DOC2A: variants seen among roughly 807,000 people sequenced by gnomAD.
DOC2A encodes double C2 domain alpha, also known as double C2-like domain-containing protein alpha.
A neutral mutation model predicts 40.6 loss-of-function variants in DOC2A; 28 were observed. The ratio of observed to expected loss-of-function variants is 0.69; its 90% CI spans 0.51 to 0.95. The LOEUF (loss-of-function observed/expected upper bound fraction) is 0.95. Ranked by LOEUF, DOC2A falls within the 40% of genes least tolerant of loss-of-function variation. The probability of loss-of-function intolerance (pLI) is 0.00; values close to 1 mark genes in which losing one functional copy is unlikely to be tolerated. For missense variants in DOC2A, 474 were observed against 552.5 expected (o/e 0.86, Z 1.42); for synonymous variants, 241 against 236.9 (o/e 1.02, Z -0.16).
intron 1 of DOC2A, among the ~76,000 whole-genome samples, chr16:30,018,103 CAA>C (rs34061843): frequency 0.34 from 20,350 of 60,478 alleles, 1,669 homozygotes; most frequent in Non-Finnish European, 0.4. Context: ...CTATTTCTAC[CAA>C]AAAAAAAAAA....
intron 1 of DOC2A, among the ~76,000 whole-genome samples, chr16:30,019,790 A>G (rs1421138732): frequency 6.6e-6 from 1 of 152,130 alleles, no homozygotes; most frequent in African/African-American, 2.4e-5. Context: ...GCTGGAGTGC[A>G]GTGGTGCGAT....
Position 30,009,339 on chromosome 16 carries a change from G to A in DOC2A, c.343-63C>T, listed in dbSNP as rs2070710208. 2.0e-6 allele frequency: 3 copies of A among 1,518,672 alleles called. No homozygotes were observed. Among genetic ancestry groups the A allele is most frequent in the Non-Finnish European group, 1.8e-6 (2 of 1,118,368 alleles). The allele number at this position is 1,518,672 out of a possible 1,614,324, so 94.1% of individuals were successfully genotyped here. A position where few individuals can be genotyped will look rare whatever the true frequency, so the allele number is the denominator to read the frequency against. On this transcript the variant is annotated intron_variant, in intron 3 of 10. Coordinates refer to ENST00000350119, the MANE Select transcript of DOC2A (RefSeq NM_003586.3). This position sits in a 1 kb window ranked among gnomAD's most constrained non-coding sequence, Gnocchi z 4.1. ...GGCACCTCTCTCCATCCCTCTTGTA[G>A]AGCTGGACCCTGGAGGAGCCCAGAA...
At position 30,006,362 on chromosome 16, in the gene DOC2A, C is replaced by G; in HGVS notation, c.1058-31G>C. The G allele has an allele frequency of 6.2e-7, 1 of 1,612,834 alleles. No individual in the cohort carries two copies. Among genetic ancestry groups the G allele is most frequent in the Non-Finnish European group, 8.5e-7 (1 of 1,179,824 alleles). ...GAGCAGGTGGGCAGGGTCAGGGCCACCTCCCTGCCACTTGCCCGCCCTCAA... is the reference window on the plus strand; with the variant it reads ...GAGCAGGTGGGCAGGGTCAGGGCCAGCTCCCTGCCACTTGCCCGCCCTCAA... On this transcript the variant is annotated intron_variant, in intron 10 of 10. Coordinates refer to ENST00000350119, the MANE Select transcript of DOC2A (RefSeq NM_003586.3). This position sits in a 1 kb window ranked among gnomAD's most constrained non-coding sequence, Gnocchi z 6.2.
upstream of DOC2A, chr16:30,015,379 G>C (rs1265478884): frequency 6.6e-6 from 1 of 152,172 alleles, no homozygotes; most frequent in South Asian, 2.1e-4. Context: ...GCAATTGCTC[G>C]ATCGCGGCTC....
intron 1 of DOC2A, among the ~76,000 whole-genome samples, chr16:30,019,881 C>T (rs759419958): frequency 2.0e-5 from 3 of 151,846 alleles, no homozygotes; most frequent in East Asian, 1.9e-4. Flanking sequence ...ACTATAGGCA[C>T]GTACCACCAT....
In DOC2A at chr16:30,009,603, T is replaced by G; in HGVS notation, c.263-46A>C. On this transcript the variant is annotated intron_variant, in intron 2 of 10. Coordinates refer to ENST00000350119, the MANE Select transcript of DOC2A (RefSeq NM_003586.3). This position sits in a 1 kb window ranked among gnomAD's most constrained non-coding sequence, Gnocchi z 4.1. Reference sequence around the variant, plus strand: ...GCATGGGTCGGTATGGAGACAGGTGTGTGCGAGAGGCCAGCAGGTGGGCAC... The same window carrying G: ...GCATGGGTCGGTATGGAGACAGGTGGGTGCGAGAGGCCAGCAGGTGGGCAC... The G allele has an allele frequency of 6.6e-7, 1 of 1,506,996 alleles. No individual in the cohort carries two copies. Among genetic ancestry groups the G allele is most frequent in the Non-Finnish European group, 9.0e-7 (1 of 1,110,458 alleles). The allele number at this position is 1,506,996 out of a possible 1,614,324, so 93.4% of individuals were successfully genotyped here.
At position 30,009,272 on chromosome 16, in the gene DOC2A, A is replaced by G; in HGVS notation, c.347T>C (p.Leu116Pro). Residue 116 changes from leucine (L) to proline (P), a missense_variant, in exon 4 of 11, where the codon CTC becomes CCC. Leu to Pro is a moderately conservative substitution (Grantham distance 98). Transcript: ENST00000350119. This position sits in a 1 kb window ranked among gnomAD's most constrained non-coding sequence, Gnocchi z 4.1. ...GAGGCCATTGAAATCCATGGGCTTGAGGCCCTGGAGAGGAGGGCAGGGGAG... is the reference window on the plus strand; with the variant it reads ...GAGGCCATTGAAATCCATGGGCTTGGGGCCCTGGAGAGGAGGGCAGGGGAG... ...LHCSILRAKGLKPMDFNGLAD... is the reference protein window; with the variant it reads ...LHCSILRAKGPKPMDFNGLAD... The G allele has an allele frequency of 6.4e-7, 1 of 1,557,670 alleles. No homozygotes were observed.
rs1184604256 is a variant in DOC2A at position 30,006,787 on chromosome 16, C to T, written c.876G>A (p.Lys292=). Residue 292 remains lysine, a splice_region_variant and synonymous_variant, in exon 8 of 11, where the codon AAG becomes AAA. Transcript: ENST00000350119. The surrounding 1 kb of genome is among the most constrained non-coding windows in gnomAD (Gnocchi z 6.2). ...AGAGGGTCAGAGCAAGGGCTCACGT[C>T]TTGACGTAGGGGTCCGAGTAACCGT... The part of the protein sequence containing the change: ...DVNGYSDPYV[K]TYLRPDVDKK... 2 of 1,613,856 alleles carry T rather than the reference C, an allele frequency of 1.2e-6. No homozygotes were observed. The highest frequency in any genetic ancestry group is 1.7e-5 in the Admixed American group (1 of 60,010).
At position 30,010,343 on chromosome 16, in the gene DOC2A, AGGTGTCGAGGGAGAGGGT is replaced by A; in HGVS notation, c.-13-126_-13-109del. The A allele has an allele frequency of 6.8e-7, 1 of 1,471,184 alleles. No individual in the cohort carries two copies. Among genetic ancestry groups the A allele is most frequent in the Non-Finnish European group, 9.4e-7 (1 of 1,067,060 alleles). The allele number at this position is 1,471,184 out of a possible 1,614,324, so 91.1% of individuals were successfully genotyped here. ...GGGGCCCTCACTGGCCTCCCTTCCT[AGGTGTCGAGGGAGAGGGT>A]GGTGTGTGCCAGCCGGTGGCAGGTG... On this transcript the variant is annotated intron_variant, in intron 1 of 10. Transcript: ENST00000350119. The surrounding 1 kb of genome is among the most constrained non-coding windows in gnomAD (Gnocchi z 4.2).
At chr16:30,015,670 CCTTT>C (rs1181491117), upstream of DOC2A, among the ~76,000 whole-genome samples, 93 of 149,256 alleles carry the variant, frequency 6.2e-4, no homozygotes, top group Non-Finnish European at 3.6e-4. Flanking sequence ...TTCCTTCCTT[CCTTT>C]CTTCCTTCCT....
chr16:30,010,763 A>G lies in DOC2A; in HGVS notation c.-14+140T>C. ...CACCACAGCCCACGGTGGAGACCCCAGCCTCAGATGCCACCTCTGGCTCCT... is the reference window on the plus strand; with the variant it reads ...CACCACAGCCCACGGTGGAGACCCCGGCCTCAGATGCCACCTCTGGCTCCT... On this transcript the variant is annotated intron_variant, in intron 1 of 10. Transcript: ENST00000350119. The surrounding 1 kb of genome is among the most constrained non-coding windows in gnomAD (Gnocchi z 4.2). 1.8e-6 allele frequency: 1 copy of G among 556,538 alleles called. No homozygotes were observed. Among genetic ancestry groups the G allele is most frequent in the African/African-American group, 2.1e-5 (1 of 48,650 alleles). The allele number at this position is 556,538 out of a possible 1,614,324, so 34.5% of individuals were successfully genotyped here.
In DOC2A at chr16:30,010,467, C is replaced by A; in HGVS notation, c.-13-232G>T. The A allele has an allele frequency of 1.6e-6, 1 of 614,358 alleles. No homozygotes were observed. The allele number at this position is 614,358 out of a possible 1,614,324, so 38.1% of individuals were successfully genotyped here. A position where few individuals can be genotyped will look rare whatever the true frequency, so the allele number is the denominator to read the frequency against. On this transcript the variant is annotated intron_variant, in intron 1 of 10. Transcript: ENST00000350119. This position sits in a 1 kb window ranked among gnomAD's most constrained non-coding sequence, Gnocchi z 4.2. ...CCACTCCTTGCAGAAGTCGAGGTTGCACCACCCCGTCCTCACCCACCCACT... is the reference window on the plus strand; with the variant it reads ...CCACTCCTTGCAGAAGTCGAGGTTGAACCACCCCGTCCTCACCCACCCACT...
upstream of DOC2A, chr16:30,011,056 C>G: frequency 1.0e-6 from 1 of 973,508 alleles, no homozygotes; most frequent in Non-Finnish European, 1.2e-6. Flanking sequence ...GAGGTGGAGG[C>G]GAGGATGCAG....
chr16:30,009,175 C>T lies in DOC2A; in HGVS notation c.417+27G>A. On this transcript the variant is annotated intron_variant, in intron 4 of 10. Transcript: ENST00000350119. This position sits in a 1 kb window ranked among gnomAD's most constrained non-coding sequence, Gnocchi z 4.1. ...CCACAGGCTGGAGTCATGGGCTGGGCCGGGCGGGGCGAGAGGAGGCTGTTA... is the reference window on the plus strand; with the variant it reads ...CCACAGGCTGGAGTCATGGGCTGGGTCGGGCGGGGCGAGAGGAGGCTGTTA... The T allele has an allele frequency of 6.2e-7, 1 of 1,609,474 alleles. No individual in the cohort carries two copies. The highest frequency in any genetic ancestry group is 1.7e-4 in the Middle Eastern group (1 of 6,040).
At chr16:30,011,446 G>GC, upstream of DOC2A, 2 of 978,754 alleles carry the variant, frequency 2.0e-6, no homozygotes, top group Non-Finnish European at 2.4e-6. Context: ...CTGGCCCCCC[G>GC]CCCCCGCCCG....
intron 5 of DOC2A, chr16:30,008,173 G>C (rs981099926): frequency 2.0e-5 from 3 of 152,932 alleles, no homozygotes; most frequent in Non-Finnish European, 4.4e-5. Context: ...CACCTGACTT[G>C]AGGGAGTACT....
upstream of DOC2A, chr16:30,011,037 G>T (rs1432546701): frequency 2.6e-5 from 26 of 986,148 alleles, no homozygotes; most frequent in Admixed American, 1.2e-3. Flanking sequence ...CGGGGAGGAG[G>T]GGGTGAGCGA....
chr16:30,021,442 G>A (rs1176032052), upstream of DOC2A: 1 of 152,318 alleles, frequency 6.6e-6, no homozygotes, highest in Middle Eastern at 3.2e-3. Context: ...GGAGGTGGCA[G>A]AGATGGGAGA....
upstream of DOC2A, among the ~76,000 whole-genome samples, chr16:30,015,776 C>T (rs192463581): frequency 1.3e-4 from 19 of 145,348 alleles, no homozygotes; most frequent in East Asian, 3.7e-3. Flanking sequence ...TCATAGCTCA[C>T]GACATCCTCG....
Sources: gnomAD v4.1 joint callset for allele counts (sites outside exome capture counted in the v4.1 genomes callset) on GRCh38, gnomAD v4.1.1 for gene constraint, Gnocchi (gnomAD v3.1) non-coding constraint, MANE v1.5 for transcripts, NCBI Gene and HGNC (gene_info 2026-07-23, HGNC 2026-07-21) for gene names.